Variants in PDE11A observed in about 807,000 individuals in gnomAD.
PDE11A encodes the protein phosphodiesterase 11A.
PDE11A carries 100 observed loss-of-function variants against 100.5 expected under a neutral mutation model. The ratio of observed to expected loss-of-function variants is 1.00; its 90% CI spans 0.85 to 1.18. The LOEUF is 1.18. PDE11A is among the 50% of genes most tolerant of loss of function. PDE11A has a pLI of 0.00. For missense variants in PDE11A, 1,141 were observed against 1,152.6 expected, an observed-to-expected ratio of 0.99 and a Z score of 0.15; for synonymous variants, 381 against 420.8, an observed-to-expected ratio of 0.91 and a Z score of 1.16.
chr2:177,970,192 T>C (rs1294721264), intron 2 of PDE11A, among the ~76,000 whole-genome samples: 6 of 152,166 alleles, frequency 3.9e-5, no homozygotes, highest in African/African-American at 1.4e-4. Flanking sequence ...ACCATTCAAA[T>C]GCCATGCTAA....
intron 12 of PDE11A, among the ~76,000 whole-genome samples, chr2:177,721,789 A>G (rs915808154): frequency 4.6e-5 from 7 of 152,186 alleles, no homozygotes; most frequent in Non-Finnish European, 1.0e-4. Flanking sequence ...AGAAAGACAG[A>G]TCTCTCAAAG....
intron 5 of PDE11A, among the ~76,000 whole-genome samples, chr2:177,875,402 G>A (rs1279749382): frequency 1.3e-5 from 2 of 151,682 alleles, no homozygotes; most frequent in South Asian, 2.1e-4. Context: ...TTTTGAGGCA[G>A]AGTCTCGCTC....
chr2:178,083,435 A>T lies in PDE11A; in HGVS notation c.162+20867T>A, dbSNP rs544659163. 9.8e-5 allele frequency among the ~76,000 whole-genome samples: 15 copies of T among 152,332 alleles called. 1 individual carries two copies. The highest frequency in any genetic ancestry group is 3.4e-4 in the African/African-American group (14 of 41,578). On this transcript the variant is annotated intron_variant, in intron 2 of 20. Coordinates refer to the PDE11A transcript ENST00000358450. ...ATATTTGAAGGAGCACAAAAGTGTT[A>T]GGAAATTGAACCAACTTGAGAAGCC...
chr2:177,840,313 C>G lies in PDE11A; in HGVS notation c.1438G>C (p.Ala480Pro). ...LINNSIAELVASTGLPVNISD... is the reference protein window; with the variant it reads ...LINNSIAELVPSTGLPVNISD... ...ATGTTCACTGGAAGGCCTGTTGAAGCAACCAGCTCAGCAATGCTGTTATTT... is the reference window on the plus strand; with the variant it reads ...ATGTTCACTGGAAGGCCTGTTGAAGGAACCAGCTCAGCAATGCTGTTATTT... The change falls in exon 6 of 20, where the codon GCT (alanine) becomes CCT (proline). Residue 480 changes from alanine to proline, a missense_variant. Physicochemically the swap from Ala to Pro is conservative, Grantham distance 27. Coordinates refer to ENST00000286063, the MANE Select transcript of PDE11A (RefSeq NM_016953.4). 6.2e-7 allele frequency: 1 copy of G among 1,613,886 alleles called. No individual in the cohort carries two copies. The highest frequency in any genetic ancestry group is 8.5e-7 in the Non-Finnish European group (1 of 1,179,754).
intron 10 of PDE11A, among the ~76,000 whole-genome samples, chr2:177,763,709 C>T (rs1181514454): frequency 2.0e-5 from 3 of 152,306 alleles, no homozygotes; most frequent in Non-Finnish European, 2.9e-5. Context: ...TGGGTAAATG[C>T]CATGGTGTTA....
intron 9 of PDE11A, among the ~76,000 whole-genome samples, chr2:177,794,913 G>A (rs1339855348): frequency 6.6e-6 from 1 of 152,068 alleles, no homozygotes; most frequent in Non-Finnish European, 1.5e-5. Flanking sequence ...AATCTCCCAA[G>A]TAGCTGGGAT....
At chr2:177,935,846 C>T (rs569933329) in intron 2 of PDE11A, among the ~76,000 whole-genome samples, 1 of 152,304 alleles carries the variant, frequency 6.6e-6, no homozygotes, top group Admixed American at 6.5e-5. Context: ...TTAGCCCCAG[C>T]TCCCTATCTC....
At chr2:177,760,408 T>C (rs1019252284) in intron 10 of PDE11A, among the ~76,000 whole-genome samples, 4 of 152,180 alleles carry the variant, frequency 2.6e-5, no homozygotes, top group African/African-American at 7.2e-5. Context: ...AAATATAATA[T>C]AGTCATGGGG....
At chr2:177,768,619 T>C (rs886831376) in intron 10 of PDE11A, among the ~76,000 whole-genome samples, 1 of 152,190 alleles carries the variant, frequency 6.6e-6, no homozygotes, top group African/African-American at 2.4e-5. Context: ...AAGCAGGAAT[T>C]CTGAATTGCA....
At chr2:178,012,120 CA>C (rs2086280741) in intron 2 of PDE11A, 1 of 152,304 alleles carries the variant, frequency 6.6e-6, no homozygotes, top group African/African-American at 2.4e-5. Flanking sequence ...TGCATGAACA[CA>C]ATCTACCTGC....
intron 9 of PDE11A, among the ~76,000 whole-genome samples, chr2:177,784,554 A>G (rs1009408706): frequency 1.3e-5 from 2 of 152,226 alleles, no homozygotes; most frequent in Admixed American, 6.5e-5. Flanking sequence ...CCATGCTGCT[A>G]TCTGCCTATG....
intron 10 of PDE11A, among the ~76,000 whole-genome samples, chr2:177,729,856 C>CTT (rs141821499): frequency 4.6e-5 from 7 of 150,676 alleles, no homozygotes; most frequent in African/African-American, 1.5e-4. Context: ...TTTTTTCCCC[C>CTT]TTTTTTTTTC....
chr2:177,709,925 C>T (rs1177815664), intron 13 of PDE11A, among the ~76,000 whole-genome samples: 2 of 151,864 alleles, frequency 1.3e-5, no homozygotes, highest in African/African-American at 4.8e-5. Flanking sequence ...TGTGGGAGGA[C>T]AGGGGTTGGG....
intron 18 of PDE11A, among the ~76,000 whole-genome samples, chr2:177,665,309 CAAAAAA>C (rs9288007): frequency 1.7e-3 from 193 of 112,430 alleles, no homozygotes; most frequent in African/African-American, 6.2e-3. Flanking sequence ...CCTGTCCCTA[CAAAAAA>C]AAAAAAAAAA....
chr2:177,998,439 GAGCCATCTGACTCCAAA>G (rs2086103975), intron 2 of PDE11A: 1 of 1,063,404 alleles, frequency 9.4e-7, no homozygotes, highest in Non-Finnish European at 1.5e-6. Flanking sequence ...AAATTCTGCA[GAGCCATCTGACTCCAAA>G]AGTTGCATTA....
At chr2:177,647,974 TG>T (rs2105455928) in intron 19 of PDE11A, among the ~76,000 whole-genome samples, 1 of 152,130 alleles carries the variant, frequency 6.6e-6, no homozygotes, top group Non-Finnish European at 1.5e-5. Context: ...TAGCTTGGTG[TG>T]GTGGTGTGCA....
chr2:177,678,850 AGAGAGGCAAGCCCAAGAAAAG>A (rs2080818135), intron 16 of PDE11A, among the ~76,000 whole-genome samples: 2 of 152,176 alleles, frequency 1.3e-5, no homozygotes, highest in Non-Finnish European at 2.9e-5. Flanking sequence ...AGAGCTCAGA[AGAGAGGCAAGCCCAAGAAAAG>A]GGCTGGGAGT....
intron 1 of PDE11A, among the ~76,000 whole-genome samples, chr2:178,027,174 A>G (rs908924202): frequency 6.6e-6 from 1 of 152,194 alleles, no homozygotes; most frequent in African/African-American, 2.4e-5. Context: ...ATGCTCTTTA[A>G]TAATTTCATT....
intron 2 of PDE11A, among the ~76,000 whole-genome samples, chr2:178,080,714 TATC>T (rs1008430293): frequency 1.3e-5 from 2 of 152,182 alleles, no homozygotes; most frequent in Admixed American, 1.3e-4. Flanking sequence ...ATAAATGCCT[TATC>T]ATTTAAAAGA....
Sources: gnomAD v4.1 joint callset for allele counts (sites outside exome capture counted in the v4.1 genomes callset) on GRCh38, gnomAD v4.1.1 for gene constraint, MANE v1.5 for transcripts, NCBI Gene and HGNC (gene_info 2026-07-23, HGNC 2026-07-21) for gene names.